The following TMEM268 variants were observed in gnomAD, a reference collection of about 807,000 sequenced individuals.
TMEM268 encodes transmembrane protein C9orf91.
In TMEM268, 24 loss-of-function variants were observed where a neutral mutation model predicts 39.1. That is an observed-to-expected ratio of 0.61 (90% CI 0.44 to 0.86). The LOEUF is 0.86. TMEM268 is among the 40% of genes least tolerant of loss of function. TMEM268 has a pLI of 0.00. For synonymous variants in TMEM268, 176 were observed against 173.5 expected, an observed-to-expected ratio of 1.01 and a Z score of -0.12; for missense variants, 409 against 428.6, an observed-to-expected ratio of 0.95 and a Z score of 0.40.
chr9:114,631,724 G>C (rs1039231245), intron 5 of TMEM268, among the ~76,000 whole-genome samples: 2 of 152,078 alleles, frequency 1.3e-5, no homozygotes, highest in Non-Finnish European at 2.9e-5. Context: ...ACAGATCTAG[G>C]CAAAACAAAA....
At chr9:114,616,924 A>T (rs1431276579) in intron 1 of TMEM268, among the ~76,000 whole-genome samples, 194 bp from the exon 2 acceptor site, 1 of 152,030 alleles carries the variant, frequency 6.6e-6, no homozygotes, top group Non-Finnish European at 1.5e-5. Context: ...GGGCCTTGGA[A>T]GGTTTTAGTT....
intron 5 of TMEM268, among the ~76,000 whole-genome samples, chr9:114,629,628 TG>T (rs1335648388): frequency 6.6e-6 from 1 of 152,214 alleles, no homozygotes; most frequent in Non-Finnish European, 1.5e-5. Flanking sequence ...TAGACATCTT[TG>T]GGGACCATTT....
intron 2 of TMEM268, among the ~76,000 whole-genome samples, chr9:114,618,662 CA>C (rs879763988): frequency 0.022 from 3,059 of 140,654 alleles, 50 homozygotes; most frequent in East Asian, 0.079. Context: ...GACTCCATCT[CA>C]AAAAAAAAAA....
Position 114,642,424 on chromosome 9 carries a change from A to G in TMEM268, c.850-710A>G, listed in dbSNP as rs561347697. Among the ~76,000 whole-genome samples the G allele has an allele frequency of 7.9e-5, 12 of 151,998 alleles. No individual in the cohort carries two copies. The South Asian group carries it at 2.5e-3, about 32-fold the overall frequency. On this transcript the variant is annotated intron_variant, in intron 8 of 8. Transcript: ENST00000288502. ...CAGTTTCTTTTAATATGTTAGGAGT[A>G]CTTGTGTAAAGAAATCTACCAGGTA...
At chr9:114,633,504 C>T (rs751532551) in intron 5 of TMEM268, among the ~76,000 whole-genome samples, 15 of 152,052 alleles carry the variant, frequency 9.9e-5, no homozygotes, top group Non-Finnish European at 1.9e-4. Context: ...GACGGCATCT[C>T]GCTACATTGT....
chr9:114,640,170 G>A lies in TMEM268; in HGVS notation c.849+1444G>A, dbSNP rs556542163. ...AAGGTTGTGTACTTTCTTGTGACAT[G>A]CGTGTGTGGGTTTTTGTGCAATAGC... On this transcript the variant is annotated intron_variant, in intron 8 of 8. Coordinates refer to ENST00000288502, the MANE Select transcript of TMEM268 (RefSeq NM_153045.4). Among the ~76,000 whole-genome samples, 307 of 150,664 alleles carry A rather than the reference G, an allele frequency of 2.0e-3. 2 individuals carry two copies. The highest frequency in any genetic ancestry group is 7.2e-3 in the African/African-American group (293 of 40,978).
chr9:114,637,149 A>T, intron 7 of TMEM268, 79 bp downstream of exon 7: 1 of 960,390 alleles, frequency 1.0e-6, no homozygotes, highest in East Asian at 2.5e-5. Context: ...AAGGGTGGGA[A>T]AATGTCTGAG....
intron 6 of TMEM268, among the ~76,000 whole-genome samples, chr9:114,635,275 A>G (rs1280775136): frequency 6.6e-6 from 1 of 151,372 alleles, no homozygotes; most frequent in Non-Finnish European, 1.5e-5. Flanking sequence ...CCCGGGAGGC[A>G]GAGGTTGCAG....
chr9:114,624,742 G>A (rs539786099), intron 3 of TMEM268, among the ~76,000 whole-genome samples: 2 of 152,194 alleles, frequency 1.3e-5, no homozygotes, highest in South Asian at 2.1e-4. Flanking sequence ...AGATCCCAGC[G>A]GGGAAGATGG....
intron 6 of TMEM268, among the ~76,000 whole-genome samples, chr9:114,635,663 A>C (rs11795358): frequency 0.049 from 7,390 of 152,314 alleles, 227 homozygotes; most frequent in Middle Eastern, 0.088. Context: ...TGGGTGCCAG[A>C]GTGAGACCCT....
chr9:114,621,311 A>C (rs1485633817), intron 2 of TMEM268, among the ~76,000 whole-genome samples: 1 of 150,256 alleles, frequency 6.7e-6, no homozygotes, highest in Non-Finnish European at 1.5e-5. Flanking sequence ...GTGTCACTGC[A>C]CTCCAGCCTG....
At chr9:114,619,283 G>A (rs553505497) in intron 2 of TMEM268, among the ~76,000 whole-genome samples, 14 of 119,002 alleles carry the variant, frequency 1.2e-4, no homozygotes, top group Middle Eastern at 4.2e-3. Flanking sequence ...CTGCGCGTGC[G>A]TGCACGCGTG....
chr9:114,627,535 C>T (rs1846215828), intron 4 of TMEM268, among the ~76,000 whole-genome samples: 1 of 152,154 alleles, frequency 6.6e-6, no homozygotes, highest in South Asian at 2.1e-4. Flanking sequence ...CTTGGAACCA[C>T]TGTGATTTGC....
intron 1 of TMEM268, among the ~76,000 whole-genome samples, chr9:114,612,139 A>T (rs1845525748): frequency 6.6e-6 from 1 of 152,172 alleles, no homozygotes; most frequent in South Asian, 2.1e-4. Context: ...TTTCACAAAC[A>T]AAACAAAACC....
chr9:114,617,229 A>G lies in TMEM268; in HGVS notation c.34A>G (p.Thr12Ala), dbSNP rs762949101. The G allele has an allele frequency of 3.7e-6, 6 of 1,611,636 alleles. No homozygotes were observed. The highest frequency in any genetic ancestry group is 4.2e-6 in the Non-Finnish European group (5 of 1,179,032). The change falls in exon 2 of 9, where the codon ACT (threonine) becomes GCT (alanine). Residue 12 changes from threonine to alanine, a missense_variant. Transcript: ENST00000288502. ...ACEPQVDPGA[T>A]GPLPPSSPGW... Reference sequence around the variant, plus strand: ...TGAACCACAGGTGGACCCGGGGGCCACTGGCCCATTGCCCCCCTCCTCCCC... The same window carrying G: ...TGAACCACAGGTGGACCCGGGGGCCGCTGGCCCATTGCCCCCCTCCTCCCC...
chr9:114,628,346 C>G, intron 5 of TMEM268, 96 bp downstream of exon 5: 1 of 1,442,534 alleles, frequency 6.9e-7, no homozygotes, highest in Non-Finnish European at 9.5e-7. Context: ...AAAGAATTTC[C>G]CTGGCCATGA....
At position 114,645,915 on chromosome 9, in the gene TMEM268, A is replaced by C. The variant is rs1267145704; in HGVS notation, c.*2602A>C. On this transcript the variant is annotated 3_prime_UTR_variant, in exon 9 of 9. Coordinates refer to ENST00000288502, the MANE Select transcript of TMEM268 (RefSeq NM_153045.4). Reference sequence around the variant, plus strand: ...TACAGGGTTGCTGTGAAGATCGCATACTACACACAGGAATGCTCATCAGTT... The same window carrying C: ...TACAGGGTTGCTGTGAAGATCGCATCCTACACACAGGAATGCTCATCAGTT... The C allele has an allele frequency of 6.6e-6, 1 of 152,078 alleles. No individual in the cohort carries two copies. Among genetic ancestry groups the C allele is most frequent in the Non-Finnish European group, 1.5e-5 (1 of 68,006 alleles). The allele number at this position is 152,078 out of a possible 1,614,324, so 9.4% of individuals were successfully genotyped here.
intron 1 of TMEM268, among the ~76,000 whole-genome samples, chr9:114,613,487 A>C (rs1279258282): frequency 6.6e-6 from 1 of 152,196 alleles, no homozygotes; most frequent in Non-Finnish European, 1.5e-5. Flanking sequence ...GGGGCCTAAG[A>C]GATGATCAAA....
At chr9:114,636,906 G>T (rs1846660843) in intron 6 of TMEM268, 84 bp from the exon 7 acceptor site, 2 of 818,154 alleles carry the variant, frequency 2.4e-6, no homozygotes, top group African/African-American at 3.4e-5. Context: ...CAGACAGCAG[G>T]CTAAATAGGA....
Sources: gnomAD v4.1 joint callset for allele counts (sites outside exome capture counted in the v4.1 genomes callset) on GRCh38, gnomAD v4.1.1 for gene constraint, MANE v1.5 for transcripts, NCBI Gene and HGNC (gene_info 2026-07-23, HGNC 2026-07-21) for gene names.